ADGRV1: variants seen among roughly 807,000 people sequenced by gnomAD.
ADGRV1 encodes the protein adhesion G protein-coupled receptor V1.
In ADGRV1, 359 loss-of-function variants were observed where a neutral mutation model predicts 596.2. The ratio of observed to expected loss-of-function variants is 0.60; its 90% CI spans 0.55 to 0.66. The LOEUF is 0.66. Among genes scored for constraint, ADGRV1 ranks in the 30% least tolerant of loss-of-function variants. The probability of loss-of-function intolerance (pLI) is 0.00; values close to 1 mark genes in which losing one functional copy is unlikely to be tolerated. For synonymous variants in ADGRV1, 2,681 were observed against 2,679.2 expected (o/e 1.00, Z -0.02); for missense variants, 7,274 against 7,575.6 (o/e 0.96, Z 1.48).
At chr5:90,923,869 G>A (rs1358824085) in intron 83 of ADGRV1, among the ~76,000 whole-genome samples, 2 of 151,098 alleles carry the variant, frequency 1.3e-5, no homozygotes, top group African/African-American at 4.9e-5. Flanking sequence ...CTATGAGTGA[G>A]AATATGCAGT....
chr5:91,002,944 G>C (rs572639434), intron 85 of ADGRV1, among the ~76,000 whole-genome samples: 25 of 152,232 alleles, frequency 1.6e-4, no homozygotes, highest in African/African-American at 5.5e-4. Context: ...CTAGTTATCT[G>C]ATACTTTAAA....
chr5:90,605,064 C>A (rs978238011), intron 1 of ADGRV1, among the ~76,000 whole-genome samples: 1 of 152,096 alleles, frequency 6.6e-6, no homozygotes. Flanking sequence ...CTCATGCAAA[C>A]GGGAGTACAT....
At chr5:90,935,233 A>G (rs1310678466) in intron 83 of ADGRV1, among the ~76,000 whole-genome samples, 1 of 152,230 alleles carries the variant, frequency 6.6e-6, no homozygotes, top group Non-Finnish European at 1.5e-5. Context: ...AGGCTCTCCA[A>G]TGAGAAATTA....
In ADGRV1 at chr5:90,777,996, A is replaced by G; in HGVS notation, c.12619A>G (p.Lys4207Glu). The change falls in exon 62 of 90, where the codon AAA (lysine) becomes GAA (glutamate). Residue 4207 changes from lysine (K) to glutamate (E), a missense_variant. Coordinates refer to ENST00000405460, the MANE Select transcript of ADGRV1 (RefSeq NM_032119.4). Reference sequence around the variant, plus strand: ...GGGGGAATTTGCTGAAACATCAGGAAAACTGACAATGCGAGACGAACAGTC... The same window carrying G: ...GGGGGAATTTGCTGAAACATCAGGAGAACTGACAATGCGAGACGAACAGTC... ...SVGEFAETSG[K>E]LTMRDEQSAV... 6.2e-7 allele frequency: 1 copy of G among 1,602,776 alleles called. No individual in the cohort carries two copies. The highest frequency in any genetic ancestry group is 8.5e-7 in the Non-Finnish European group (1 of 1,173,876).
intron 87 of ADGRV1, among the ~76,000 whole-genome samples, chr5:91,130,391 G>A (rs1319069408): frequency 2.0e-5 from 3 of 151,594 alleles, no homozygotes; most frequent in Non-Finnish European, 4.4e-5. Flanking sequence ...AATTAGCCGG[G>A]CGTGGTGGTG....
chr5:90,962,397 A>T (rs889419710), intron 83 of ADGRV1, among the ~76,000 whole-genome samples: 1 of 152,220 alleles, frequency 6.6e-6, no homozygotes, highest in African/African-American at 2.4e-5. Flanking sequence ...TTCATGTTCA[A>T]CTTAATGCTT....
At chr5:90,562,714 A>G (rs1311450450) in intron 1 of ADGRV1, among the ~76,000 whole-genome samples, 2 of 152,118 alleles carry the variant, frequency 1.3e-5, no homozygotes, top group African/African-American at 4.8e-5. Context: ...TTTTATATTA[A>G]AGGGAAACAC....
At position 90,694,364 on chromosome 5, in the gene ADGRV1, G is replaced by A; in HGVS notation, c.7608G>A (p.Glu2536=). 6.2e-7 allele frequency: 1 copy of A among 1,613,968 alleles called. No homozygotes were observed. ...ILPDDFPEMD[E]SFLISLLEVH... ...CTGATGATTTCCCAGAGATGGATGA[G>A]AGTTTTCTAATTTCTCTCCTTGAAG... Residue 2536 remains glutamate, a synonymous_variant, in exon 33 of 90, where the codon GAG becomes GAA. Coordinates refer to ENST00000405460, the MANE Select transcript of ADGRV1 (RefSeq NM_032119.4).
intron 1 of ADGRV1, among the ~76,000 whole-genome samples, chr5:90,600,158 A>G (rs1017869055): frequency 3.3e-5 from 5 of 152,034 alleles, no homozygotes; most frequent in African/African-American, 9.7e-5. Context: ...TCACATATAT[A>G]TTTTTTATTA....
At chr5:90,872,011 G>C (rs934207855) in intron 83 of ADGRV1, among the ~76,000 whole-genome samples, 1 of 152,184 alleles carries the variant, frequency 6.6e-6, no homozygotes, top group Non-Finnish European at 1.5e-5. Flanking sequence ...GCTACCTCAC[G>C]ACATGCAGAG....
At chr5:91,162,637 T>C (rs908947631) in intron 89 of ADGRV1, among the ~76,000 whole-genome samples, 5 of 152,128 alleles carry the variant, frequency 3.3e-5, no homozygotes, top group Admixed American at 2.6e-4. Context: ...GCAAGTACCA[T>C]GTCACAGAAG....
chr5:90,777,865 A>C, intron 61 of ADGRV1, 40 bp from the exon 62 acceptor site: 5 of 1,496,236 alleles, frequency 3.3e-6, no homozygotes, highest in Non-Finnish European at 3.6e-6. Flanking sequence ...AAGTACCTTC[A>C]ACTGAAATGT....
intron 84 of ADGRV1, among the ~76,000 whole-genome samples, chr5:90,973,174 G>A (rs1021471035): frequency 2.0e-5 from 3 of 152,078 alleles, no homozygotes; most frequent in African/African-American, 7.2e-5. Flanking sequence ...TCCCTGAATA[G>A]ACCAATAACA....
At chr5:90,610,962 A>G (rs943915919) in intron 1 of ADGRV1, among the ~76,000 whole-genome samples, 1 of 151,930 alleles carries the variant, frequency 6.6e-6, no homozygotes, top group African/African-American at 2.4e-5. Flanking sequence ...TGGTAGAGGG[A>G]ATTTCCATTC....
chr5:91,160,343 G>T (rs1202377973), intron 89 of ADGRV1, among the ~76,000 whole-genome samples: 2 of 152,232 alleles, frequency 1.3e-5, no homozygotes, highest in African/African-American at 4.8e-5. Context: ...ATGGAAAGGT[G>T]GAATTTTGAA....
chr5:90,861,588 C>A (rs190200287), intron 82 of ADGRV1, among the ~76,000 whole-genome samples: 2 of 150,890 alleles, frequency 1.3e-5, no homozygotes, highest in African/African-American at 4.9e-5. Context: ...GGATTACAGG[C>A]CTGAGCCACC....
chr5:90,780,558 TA>T (rs554844377), intron 64 of ADGRV1, among the ~76,000 whole-genome samples: 3 of 152,264 alleles, frequency 2.0e-5, no homozygotes, highest in Non-Finnish European at 1.5e-5. Flanking sequence ...AATATTAATC[TA>T]AAAAAAGACT....
intron 1 of ADGRV1, among the ~76,000 whole-genome samples, chr5:90,567,356 A>G (rs1736831135): frequency 6.6e-6 from 1 of 151,962 alleles, no homozygotes; most frequent in Non-Finnish European, 1.5e-5. Context: ...TGTGTTTTAT[A>G]TATATATTTT....
chr5:91,052,702 G>A (rs1786458792), intron 85 of ADGRV1, among the ~76,000 whole-genome samples: 1 of 152,106 alleles, frequency 6.6e-6, no homozygotes, highest in African/African-American at 2.4e-5. Flanking sequence ...CCAAAGTGCT[G>A]GGATTACAAG....
Sources: allele counts gnomAD v4.1 joint callset (sites outside exome capture counted in the v4.1 genomes callset), GRCh38; gene constraint gnomAD v4.1.1; transcripts MANE v1.5; gene names NCBI Gene and HGNC (gene_info 2026-07-23, HGNC 2026-07-21).